The following NCKAP5 variants were observed in gnomAD, a reference collection of about 807,000 sequenced individuals.
NCKAP5 encodes the protein NCK associated protein 5.
Under a neutral mutation model 167.0 loss-of-function variants are expected in NCKAP5, and 92 were observed. That is an observed-to-expected ratio of 0.55 (90% CI 0.47 to 0.66). NCKAP5 has a LOEUF of 0.66. NCKAP5 is among the 30% of genes least tolerant of loss of function. The probability of loss-of-function intolerance (pLI) is 0.00; values close to 1 mark genes in which losing one functional copy is unlikely to be tolerated. For missense variants in NCKAP5, 2,378 were observed against 2,315.0 expected, an observed-to-expected ratio of 1.03 and a Z score of -0.56; for synonymous variants, 891 against 877.4, an observed-to-expected ratio of 1.02 and a Z score of -0.27.
intron 18 of NCKAP5, 49 bp from the exon 19 acceptor site, chr2:132,725,808 G>A (rs780213516): frequency 1.3e-5 from 21 of 1,589,558 alleles, no homozygotes; most frequent in Middle Eastern, 1.7e-4. Flanking sequence ...AAATCAAAAT[G>A]AGGCAGAGCA....
the NCKAP5 span, among the ~76,000 whole-genome samples, chr2:133,603,322 G>C: frequency 6.6e-6 from 1 of 150,672 alleles, no homozygotes; most frequent in African/African-American, 2.5e-5. Context: ...TGCCTCCCGG[G>C]TTCCAGCAAT....
intron 3 of NCKAP5, among the ~76,000 whole-genome samples, chr2:133,355,878 C>T (rs1054405925): frequency 2.6e-5 from 4 of 151,948 alleles, no homozygotes; most frequent in Non-Finnish European, 5.9e-5. Flanking sequence ...GCAAAAGTAC[C>T]CTCAGGAAAA....
intron 16 of NCKAP5, among the ~76,000 whole-genome samples, chr2:132,761,590 A>G (rs1681014208): frequency 6.6e-6 from 1 of 152,244 alleles, no homozygotes; most frequent in African/African-American, 2.4e-5. Flanking sequence ...TAGATGTGGC[A>G]TTCTGTGAGA....
chr2:133,200,633 A>C (rs145753889), intron 5 of NCKAP5, among the ~76,000 whole-genome samples: 1 of 152,328 alleles, frequency 6.6e-6, no homozygotes, highest in African/African-American at 2.4e-5. Flanking sequence ...AAAATTCAAA[A>C]CATTCATGTT....
rs1424299346 is a variant in NCKAP5, at chr2:133,216,377, T to A, written c.144-2598A>T. On this transcript the variant is annotated intron_variant, in intron 4 of 19. Transcript: ENST00000409261. ...AAGAGGATGGAGAGCCTCAGGAGGA[T>A]GACTCCAAGAATAAAACAAAGTTGA... Among the ~76,000 whole-genome samples, 6 of 152,076 alleles carry A rather than the reference T, an allele frequency of 3.9e-5. No homozygotes were observed. The East Asian group carries it at 1.2e-3, about 29-fold the overall frequency.
intron 16 of NCKAP5, among the ~76,000 whole-genome samples, chr2:132,734,488 C>T (rs1021452845): frequency 6.6e-6 from 1 of 152,070 alleles, no homozygotes. Flanking sequence ...CCCTATGTAC[C>T]CCAGGCTGCC....
chr2:133,420,933 A>G (rs1402779302), intron 3 of NCKAP5, among the ~76,000 whole-genome samples: 1 of 152,200 alleles, frequency 6.6e-6, no homozygotes, highest in African/African-American at 2.4e-5. Context: ...ACAAGGAACT[A>G]ATAGAGACTT....
intron 3 of NCKAP5, among the ~76,000 whole-genome samples, chr2:133,488,548 C>G (rs1380609708): frequency 6.6e-6 from 1 of 152,050 alleles, no homozygotes; most frequent in Admixed American, 6.6e-5. Flanking sequence ...TTTCCCTTAC[C>G]CCTCCCTTCA....
At chr2:133,424,999 G>A (rs376775378) in intron 3 of NCKAP5, among the ~76,000 whole-genome samples, 1 of 152,212 alleles carries the variant, frequency 6.6e-6, no homozygotes, top group East Asian at 1.9e-4. Flanking sequence ...AGCTGAGAAG[G>A]CCATAAAATA....
chr2:133,590,383 A>G, the NCKAP5 span, among the ~76,000 whole-genome samples: 1 of 151,758 alleles, frequency 6.6e-6, no homozygotes, highest in South Asian at 2.1e-4. Context: ...AAAACTAGCC[A>G]GGCTTGGTGG....
At chr2:133,319,100 A>T (rs955095461) in intron 3 of NCKAP5, among the ~76,000 whole-genome samples, 2 of 152,082 alleles carry the variant, frequency 1.3e-5, no homozygotes, top group African/African-American at 4.8e-5. Flanking sequence ...TCAATAGTCA[A>T]ATTAACCCAT....
At chr2:133,104,586 TCTTC>T (rs1333960022) in intron 6 of NCKAP5, among the ~76,000 whole-genome samples, 1 of 152,244 alleles carries the variant, frequency 6.6e-6, no homozygotes, top group Non-Finnish European at 1.5e-5. Context: ...GTTTTCTTTT[TCTTC>T]CTTAATTCCC....
chr2:133,192,447 T>C (rs1243924272), intron 5 of NCKAP5, among the ~76,000 whole-genome samples: 1 of 152,094 alleles, frequency 6.6e-6, no homozygotes, highest in African/African-American at 2.4e-5. Context: ...GAAATATCCA[T>C]GTTAAGAGGA....
chr2:133,619,408 C>G, the NCKAP5 span, among the ~76,000 whole-genome samples: 1 of 151,830 alleles, frequency 6.6e-6, no homozygotes, highest in Non-Finnish European at 1.5e-5. Flanking sequence ...ATCACAACTT[C>G]TGAAAGTCAA....
At chr2:133,227,051 G>A (rs1204799519) in intron 4 of NCKAP5, among the ~76,000 whole-genome samples, 4 of 152,126 alleles carry the variant, frequency 2.6e-5, no homozygotes, top group African/African-American at 9.7e-5. Context: ...GGAGAATCAA[G>A]GAAACCTTCA....
At position 132,766,292 on chromosome 2, in the gene NCKAP5, AAAAAAAAAAAAAAG is replaced by A. The variant is rs1346548085; in HGVS notation, c.5128+7510_5128+7523del. 4.0e-5 allele frequency among the ~76,000 whole-genome samples: 6 copies of A among 150,870 alleles called. No individual in the cohort carries two copies. In the East Asian group the frequency reaches 1.2e-3, roughly 29 times the overall value. ...AGATTCTGTCTCAAAAAAAAAAAAA[AAAAAAAAAAAAAAG>A]AGAAAATCATAAGGAATGTAAACCA... On this transcript the variant is annotated intron_variant, in intron 16 of 19. Coordinates refer to ENST00000409261, the MANE Select transcript of NCKAP5 (RefSeq NM_207363.3).
At chr2:133,513,923 A>G (rs1575087020) in intron 3 of NCKAP5, among the ~76,000 whole-genome samples, 1 of 152,248 alleles carries the variant, frequency 6.6e-6, no homozygotes. Context: ...CTCATCAGCT[A>G]AATACTACCA....
intron 4 of NCKAP5, among the ~76,000 whole-genome samples, chr2:133,299,578 C>T (rs1680217298): frequency 6.6e-6 from 1 of 152,076 alleles, no homozygotes; most frequent in Admixed American, 6.6e-5. Flanking sequence ...GAAACACTGT[C>T]TCTACTAAAA....
At chr2:133,153,373 T>C (rs1023155864) in intron 5 of NCKAP5, among the ~76,000 whole-genome samples, 2 of 152,178 alleles carry the variant, frequency 1.3e-5, no homozygotes, top group African/African-American at 4.8e-5. Context: ...CATGGGAAAC[T>C]GTGTTGGGGG....
Sources: gnomAD v4.1 joint callset for allele counts (sites outside exome capture counted in the v4.1 genomes callset) on GRCh38, gnomAD v4.1.1 for gene constraint, MANE v1.5 for transcripts, NCBI Gene and HGNC (gene_info 2026-07-23, HGNC 2026-07-21) for gene names.